The following FN1 variants were observed in gnomAD, a reference collection of about 807,000 sequenced individuals.
The protein encoded by FN1 is fibronectin.
FN1 carries 106 observed loss-of-function variants against 297.3 expected under a neutral mutation model. That is an observed-to-expected ratio of 0.36 (90% CI 0.30 to 0.42). The LOEUF (loss-of-function observed/expected upper bound fraction) is 0.42, where lower values mean the gene tolerates loss of function less well. Ranked by LOEUF, FN1 falls within the 10% of genes least tolerant of loss-of-function variation. The pLI is 1.00. For synonymous variants in FN1, 1,149 were observed against 1,152.6 expected, an observed-to-expected ratio of 1.00 and a Z score of 0.06; for missense variants, 2,690 against 3,124.9, an observed-to-expected ratio of 0.86 and a Z score of 3.32.
intron 15 of FN1, 145 bp downstream of exon 15, chr2:215,409,418 C>T: frequency 1.3e-6 from 1 of 793,674 alleles, no homozygotes; most frequent in Non-Finnish European, 2.2e-6. Context: ...CCTTCCCTTC[C>T]TCATGCCAGA....
At chr2:215,383,884 G>T in intron 30 of FN1, 136 bp downstream of exon 30, 1 of 933,878 alleles carries the variant, frequency 1.1e-6, no homozygotes, top group Non-Finnish European at 1.7e-6. Flanking sequence ...TCTGTTCGCT[G>T]CAGGTGCTAG....
chr2:215,431,096 T>C (rs1575877118), intron 4 of FN1, among the ~76,000 whole-genome samples: 1 of 152,214 alleles, frequency 6.6e-6, no homozygotes, highest in South Asian at 2.1e-4. Context: ...GACTACATAT[T>C]TTCAGCGAGC....
intron 26 of FN1, 41 bp downstream of exon 26, chr2:215,391,591 C>T (rs370496987): frequency 1.3e-6 from 2 of 1,545,786 alleles, no homozygotes; most frequent in Non-Finnish European, 1.8e-6. Context: ...TTGCTATGCT[C>T]TAGGTTAATA....
intron 24 of FN1, chr2:215,393,838 G>T (rs546667639): frequency 5.2e-5 from 8 of 153,044 alleles, no homozygotes; most frequent in African/African-American, 1.9e-4. Flanking sequence ...TGTAATTAGC[G>T]TTAGTAAAAG....
At chr2:215,424,805 T>A (rs1421385420) in intron 7 of FN1, among the ~76,000 whole-genome samples, 1 of 152,190 alleles carries the variant, frequency 6.6e-6, no homozygotes, top group Non-Finnish European at 1.5e-5. Context: ...AATTTGAGAT[T>A]TAGAATATAA....
Position 215,419,759 on chromosome 2 carries a change from T to C in FN1, c.1676-374A>G, listed in dbSNP as rs117519795. ...TAGCAAGAAAAAAATCTGCAATAAT[T>C]TCATTTTCCTTACTTCTTCAAAATT... On this transcript the variant is annotated intron_variant, in intron 11 of 45. Coordinates refer to ENST00000354785, the MANE Select transcript of FN1 (RefSeq NM_212482.4). 5.1e-4 allele frequency among the ~76,000 whole-genome samples: 78 copies of C among 152,330 alleles called. No homozygotes were observed. In the East Asian group the frequency reaches 0.013, roughly 24 times the overall value.
intron 12 of FN1, among the ~76,000 whole-genome samples, chr2:215,417,880 C>T (rs1008991750): frequency 6.6e-5 from 10 of 152,160 alleles, no homozygotes; most frequent in Admixed American, 6.5e-5. Context: ...TTGAGAGAGA[C>T]GAAGATCTCT....
intron 32 of FN1, 64 bp downstream of exon 32, chr2:215,382,148 G>A (rs916604138): frequency 4.2e-6 from 4 of 956,536 alleles, no homozygotes; most frequent in Non-Finnish European, 6.9e-6. Context: ...ACATGTCGTG[G>A]GCATTCAGAC....
chr2:215,406,580 G>A, intron 18 of FN1, 70 bp from the exon 19 acceptor site: 2 of 1,498,882 alleles, frequency 1.3e-6, no homozygotes, highest in South Asian at 1.2e-5. Flanking sequence ...CCAGTTTCTT[G>A]GATATGTTAG....
chr2:215,379,305 G>A lies in FN1; in HGVS notation c.5447C>T (p.Pro1816Leu), dbSNP rs1242137979. The A allele has an allele frequency of 2.5e-6, 4 of 1,613,864 alleles. No homozygotes were observed. Among genetic ancestry groups the A allele is most frequent in the Non-Finnish European group, 3.4e-6 (4 of 1,179,956 alleles). ...IGTQSTAIPA[P>L]TDLKFTQVTP... Reference sequence around the variant, plus strand: ...GACCTGAGTGAACTTCAGGTCAGTTGGTGCAGGAATAGCTGTCGAGATTGT... The same window carrying A: ...GACCTGAGTGAACTTCAGGTCAGTTAGTGCAGGAATAGCTGTCGAGATTGT... Residue 1816 changes from proline (P) to leucine (L), a missense_variant, in exon 34 of 46, where the codon CCA becomes CTA. Pro to Leu is a moderately conservative substitution (Grantham distance 98). This residue lies in a region of FN1 where 1,743 missense variants were observed against 1,945.2 expected (regional missense o/e 0.90). Transcript: ENST00000354785.
In FN1 at chr2:215,436,025, T is replaced by C; in HGVS notation, c.-223A>G. On this transcript the variant is annotated 5_prime_UTR_variant, in exon 1 of 46. Transcript: ENST00000354785. ...CAGGTCCCCTCTTCCCGCTCGCGCC[T>C]GGGGTTCCCTCTCCTCCCCCTGTGC... 1 of 986,640 alleles carries C rather than the reference T, an allele frequency of 1.0e-6. No homozygotes were observed. Among genetic ancestry groups the C allele is most frequent in the Non-Finnish European group, 1.4e-6 (1 of 699,790 alleles). The allele number at this position is 986,640 out of a possible 1,614,324, so 61.1% of individuals were successfully genotyped here.
intron 30 of FN1, 46 bp from the exon 31 acceptor site, chr2:215,383,529 A>T (rs755110225): frequency 6.2e-7 from 1 of 1,604,792 alleles, no homozygotes; most frequent in South Asian, 1.1e-5. Flanking sequence ...CAGTCCTTGG[A>T]GACAAGATTG....
chr2:215,381,021 C>G lies in FN1; in HGVS notation c.5224G>C (p.Ala1742Pro). Residue 1742 changes from alanine (A) to proline (P), a missense_variant, in exon 33 of 46, where the codon GCT (alanine) becomes CCT (proline). Physicochemically the swap from Ala to Pro is conservative, Grantham distance 27 (BLOSUM62 -1). Transcript: ENST00000354785. ...ACTTGCCCCTGTGGGCTTTCCCAAG[C>G]AATTTTGATGGAATCGACATCCACA... The part of the protein sequence containing the change: ...TDVDVDSIKI[A>P]WESPQGQVSR... 6.2e-7 allele frequency: 1 copy of G among 1,614,232 alleles called. No homozygotes were observed. Among genetic ancestry groups the G allele is most frequent in the Non-Finnish European group, 8.5e-7 (1 of 1,180,038 alleles).
At chr2:215,371,763 T>C (rs2056206092) in intron 40 of FN1, 146 bp downstream of exon 40, 1 of 658,360 alleles carries the variant, frequency 1.5e-6, no homozygotes, top group African/African-American at 1.8e-5. Context: ...TCCACCTGCC[T>C]CGGCCTCCCA....
At position 215,370,345 on chromosome 2, in the gene FN1, C is replaced by T; in HGVS notation, c.6802G>A (p.Asp2268Asn). The T allele has an allele frequency of 6.2e-7, 1 of 1,613,980 alleles. No individual in the cohort carries two copies. Among genetic ancestry groups the T allele is most frequent in the African/African-American group, 1.3e-5 (1 of 74,960 alleles). ...TCCCGAACCTTATGCCTCTGCTGGT[C>T]TTTCAGTGCCTCCACTATGACGTTG... ...TYNVIVEALK[D>N]QQRHKVREEV... The change falls in exon 41 of 46, where the codon GAC becomes AAC. Residue 2268 changes from aspartate to asparagine, a missense_variant. Asp to Asn is a conservative substitution (Grantham distance 23). Around this residue, in one of 3 missense-constraint regions of FN1, gnomAD observed 1,743 missense variants for 1,945.2 expected, o/e 0.90. Transcript: ENST00000354785.
chr2:215,386,455 G>GA (rs1452562557), intron 28 of FN1, among the ~76,000 whole-genome samples: 1 of 151,596 alleles, frequency 6.6e-6, no homozygotes, highest in Non-Finnish European at 1.5e-5. Context: ...TTCTTGAGAG[G>GA]AAAAAAATTA....
chr2:215,364,992 A>G lies in FN1; in HGVS notation c.7145-7T>C. 1.3e-6 allele frequency: 2 copies of G among 1,530,878 alleles called. No individual in the cohort carries two copies. The highest frequency in any genetic ancestry group is 2.3e-5 in the East Asian group (1 of 43,242). The allele number at this position is 1,530,878 out of a possible 1,614,324, so 94.8% of individuals were successfully genotyped here. A position where few individuals can be genotyped will look rare whatever the true frequency, so the allele number is the denominator to read the frequency against. The stretch of plus-strand genomic sequence containing the variant: ...TCATAACACGTTGCCTCATCTGCAT[A>G]TAGACACAAGACAGATGCACGCATA... On this transcript the variant is annotated splice_region_variant and splice_polypyrimidine_tract_variant and intron_variant, in intron 43 of 45. Transcript: ENST00000354785.
chr2:215,424,168 G>A lies in FN1; in HGVS notation c.1194C>T (p.Tyr398=), dbSNP rs1378959658. The part of the protein sequence containing the change: ...TTSNYEQDQK[Y]SFCTDHTVLV... ...CACCAGTGTGGTCTGTGCAGAAAGA[G>A]TATTTCTGGTCCTGCTCATAATTCG... The change falls in exon 8 of 46, where the codon TAC becomes TAT. Residue 398 remains tyrosine (Y), a synonymous_variant. Coordinates refer to ENST00000354785, the MANE Select transcript of FN1 (RefSeq NM_212482.4). The A allele has an allele frequency of 1.2e-6, 2 of 1,614,152 alleles. No individual in the cohort carries two copies. Among genetic ancestry groups the A allele is most frequent in the African/African-American group, 2.7e-5 (2 of 75,050 alleles).
chr2:215,392,582 T>A, intron 25 of FN1: 1 of 327,330 alleles, frequency 3.1e-6, no homozygotes, highest in South Asian at 2.8e-5. Flanking sequence ...TTATAATTAA[T>A]TGGTACTTAC....
Sources: gnomAD v4.1 joint callset for allele counts (sites outside exome capture counted in the v4.1 genomes callset) on GRCh38, gnomAD v4.1.1 for gene constraint, gnomAD v4.1.1 regional missense constraint, MANE v1.5 for transcripts, NCBI Gene and HGNC (gene_info 2026-07-23, HGNC 2026-07-21) for gene names.